SORCS2: variants seen among roughly 807,000 people sequenced by gnomAD.
The protein encoded by SORCS2 is VPS10 domain-containing receptor SorCS2.
A neutral mutation model predicts 141.6 loss-of-function variants in SORCS2; 100 were observed. That is an observed-to-expected ratio of 0.71 (90% CI 0.60 to 0.83). The LOEUF (loss-of-function observed/expected upper bound fraction) is 0.83. Among genes scored for constraint, SORCS2 ranks in the 40% least tolerant of loss-of-function variants. The pLI is 0.00. For missense variants in SORCS2, 1,646 were observed against 1,560.2 expected (o/e 1.05, Z -0.93); for synonymous variants, 789 against 676.9 (o/e 1.17, Z -2.57).
chr4:7,445,627 G>A (rs960531170), intron 2 of SORCS2, among the ~76,000 whole-genome samples: 2 of 152,280 alleles, frequency 1.3e-5, no homozygotes, highest in East Asian at 1.9e-4. Flanking sequence ...GGCCAGGATG[G>A]GGGCTGCAGG....
At chr4:7,392,541 C>T in intron 1 of SORCS2, among the ~76,000 whole-genome samples, 1 of 152,152 alleles carries the variant, frequency 6.6e-6, no homozygotes, top group Non-Finnish European at 1.5e-5. Flanking sequence ...GTGGGTGAGT[C>T]CCCACTGTCA....
At chr4:7,548,620 C>A (rs1023076847) in intron 3 of SORCS2, among the ~76,000 whole-genome samples, 2 of 152,026 alleles carry the variant, frequency 1.3e-5, no homozygotes, top group African/African-American at 4.8e-5. Context: ...GCATCTTGTG[C>A]CAGAGGGCGG....
intron 1 of SORCS2, among the ~76,000 whole-genome samples, chr4:7,318,966 G>A (rs1017639319): frequency 4.6e-5 from 7 of 152,186 alleles, no homozygotes; most frequent in African/African-American, 1.7e-4. Flanking sequence ...CAGGACGCCA[G>A]GTAAGTGGAA....
At chr4:7,580,180 T>G (rs567316190) in intron 3 of SORCS2, among the ~76,000 whole-genome samples, 185 of 152,312 alleles carry the variant, frequency 1.2e-3, no homozygotes, top group Non-Finnish European at 2.0e-3. Flanking sequence ...TTTTATTAAC[T>G]GATAGAAATT....
intron 2 of SORCS2, among the ~76,000 whole-genome samples, chr4:7,397,693 C>T (rs1457403889): frequency 6.6e-6 from 1 of 152,146 alleles, no homozygotes; most frequent in African/African-American, 2.4e-5. Flanking sequence ...AGTGTAAGCT[C>T]CGTGGGCCCT....
At chr4:7,707,799 G>A (rs1725563638) in intron 14 of SORCS2, among the ~76,000 whole-genome samples, 1 of 152,228 alleles carries the variant, frequency 6.6e-6, no homozygotes, top group African/African-American at 2.4e-5. Context: ...TGACACAGGG[G>A]TGGAGACAGA....
chr4:7,378,489 C>T (rs1722791250), intron 1 of SORCS2, among the ~76,000 whole-genome samples: 1 of 152,134 alleles, frequency 6.6e-6, no homozygotes, highest in South Asian at 2.1e-4. Context: ...AGAGAAGTGC[C>T]AAGCGAAGGG....
At chr4:7,382,012 C>T in intron 1 of SORCS2, 1 of 983,302 alleles carries the variant, frequency 1.0e-6, no homozygotes, top group Non-Finnish European at 1.2e-6. Context: ...ACCAGGGACA[C>T]AAGGAAGGAA....
At chr4:7,665,336 GCCAGACA>G (rs1365256503) in intron 7 of SORCS2, among the ~76,000 whole-genome samples, 1 of 152,174 alleles carries the variant, frequency 6.6e-6, no homozygotes, top group East Asian at 1.9e-4. Flanking sequence ...GTTAAAGCAG[GCCAGACA>G]GGAGGCTGCT....
At chr4:7,232,739 C>A (rs986182003) in intron 1 of SORCS2, among the ~76,000 whole-genome samples, 16 of 152,180 alleles carry the variant, frequency 1.1e-4, no homozygotes, top group Admixed American at 2.6e-4. Context: ...CTGCCCTGGG[C>A]CCCCTCAGTA....
chr4:7,388,295 C>T (rs1723606441), intron 1 of SORCS2, among the ~76,000 whole-genome samples: 1 of 152,196 alleles, frequency 6.6e-6, no homozygotes, highest in Non-Finnish European at 1.5e-5. Context: ...GCCTGAATCC[C>T]CTCTGGCTGC....
chr4:7,502,918 TG>T (rs1187450678), intron 2 of SORCS2, among the ~76,000 whole-genome samples: 1 of 152,180 alleles, frequency 6.6e-6, no homozygotes, highest in Non-Finnish European at 1.5e-5. Flanking sequence ...CCAGGGAAAG[TG>T]GGGCTGATTT....
intron 1 of SORCS2, among the ~76,000 whole-genome samples, chr4:7,287,398 T>A (rs1716299634): frequency 6.6e-6 from 1 of 152,176 alleles, no homozygotes; most frequent in African/African-American, 2.4e-5. Context: ...TCCAGAAAGG[T>A]TCGAGCCAGG....
intron 18 of SORCS2, among the ~76,000 whole-genome samples, chr4:7,723,311 C>G (rs893026651): frequency 6.6e-6 from 1 of 152,156 alleles, no homozygotes; most frequent in Non-Finnish European, 1.5e-5. Context: ...AAACCCTCCT[C>G]GCAGTGGGAG....
chr4:7,624,746 C>A lies in SORCS2; in HGVS notation c.649-13582C>A, dbSNP rs1287859343. Among the ~76,000 whole-genome samples the A allele has an allele frequency of 3.9e-5, 6 of 152,254 alleles. No individual in the cohort carries two copies. In the South Asian group the frequency reaches 6.2e-4, roughly 16 times the overall value. On this transcript the variant is annotated intron_variant, in intron 3 of 26. Coordinates refer to ENST00000507866, the MANE Select transcript of SORCS2 (RefSeq NM_020777.3). ...GACAATCTTCCAAAACACCATCACT[C>A]CAGAGAATTAGCCGTCTGCTGCACT...
At chr4:7,357,858 T>C (rs1000684927) in intron 1 of SORCS2, among the ~76,000 whole-genome samples, 13 of 152,278 alleles carry the variant, frequency 8.5e-5, no homozygotes, top group African/African-American at 2.9e-4. Context: ...GGGGCTTCTG[T>C]GCACACTCCA....
chr4:7,362,334 C>T (rs893357215), intron 1 of SORCS2, among the ~76,000 whole-genome samples: 1 of 152,180 alleles, frequency 6.6e-6, no homozygotes, highest in Non-Finnish European at 1.5e-5. Flanking sequence ...TCCTTCCACG[C>T]CGCATCCTAC....
chr4:7,737,260 G>A (rs751902074), intron 26 of SORCS2, 88 bp downstream of exon 26: 26 of 1,479,886 alleles, frequency 1.8e-5, no homozygotes, highest in Middle Eastern at 1.8e-4. Flanking sequence ...AGGCCACCCC[G>A]CTGGGCCGCT....
chr4:7,395,002 C>T (rs1278224778), intron 1 of SORCS2, among the ~76,000 whole-genome samples: 1 of 152,222 alleles, frequency 6.6e-6, no homozygotes, highest in Non-Finnish European at 1.5e-5. Flanking sequence ...CCTGTCAGCT[C>T]CCCACTCCTC....
Sources: allele counts gnomAD v4.1 joint callset (sites outside exome capture counted in the v4.1 genomes callset), GRCh38; gene constraint gnomAD v4.1.1; transcripts MANE v1.5; gene names NCBI Gene and HGNC (gene_info 2026-07-23, HGNC 2026-07-21).